Variants in PRKCI observed in about 807,000 individuals in gnomAD.
PRKCI encodes protein kinase C iota type.
In PRKCI, 43 loss-of-function variants were observed where a neutral mutation model predicts 84.0. The ratio of observed to expected loss-of-function variants is 0.51; its 90% CI spans 0.40 to 0.66. PRKCI has a LOEUF of 0.66. Ranked by LOEUF, PRKCI falls within the 30% of genes least tolerant of loss-of-function variation. PRKCI has a pLI of 0.00. For synonymous variants in PRKCI, 216 were observed against 234.4 expected (o/e 0.92, Z 0.72); for missense variants, 459 against 745.6 (o/e 0.62, Z 4.48).
intron 12 of PRKCI, 76 bp from the exon 13 acceptor site, chr3:170,291,778 A>G (rs1430988184): frequency 8.9e-7 from 1 of 1,117,524 alleles, no homozygotes; most frequent in South Asian, 1.3e-5. Context: ...AACTTATATG[A>G]TAGGTGAAAT....
intron 2 of PRKCI, among the ~76,000 whole-genome samples, chr3:170,250,314 AAAC>A (rs1433366030): frequency 6.6e-6 from 1 of 152,042 alleles, no homozygotes; most frequent in East Asian, 1.9e-4. Flanking sequence ...TAAAAAAAAA[AAAC>A]AACTTTGCTA....
At position 170,303,659 on chromosome 3, in the gene PRKCI, C is replaced by T. The variant is rs758616548; in HGVS notation, c.*532C>T. ...AATAAATTATTGATCTTTTTTAAGG[C>T]AGCAGTTATTAAATTGGTAATAGAA... On this transcript the variant is annotated 3_prime_UTR_variant, in exon 18 of 18. Transcript: ENST00000295797. 5 of 222,300 alleles carry T rather than the reference C, an allele frequency of 2.2e-5. No individual in the cohort carries two copies. The highest frequency in any genetic ancestry group is 4.5e-5 in the Non-Finnish European group (5 of 111,290). The allele number at this position is 222,300 out of a possible 1,614,324, so 13.8% of individuals were successfully genotyped here.
chr3:170,299,003 A>T lies in PRKCI; in HGVS notation c.1596A>T (p.Gln532His). Reference sequence around the variant, plus strand: ...CCAGTATGTCTTTTCAGATGGAGCAAAAACAGGTGGTACCTCCCTTTAAAC... The same window carrying T: ...CCAGTATGTCTTTTCAGATGGAGCATAAACAGGTGGTACCTCCCTTTAAAC... ...FRNVDWDMME[Q>H]KQVVPPFKPN... The change falls in exon 17 of 18, where the codon CAA becomes CAT. Residue 532 changes from glutamine (Q) to histidine (H), a missense_variant. Around this residue, in one of 2 missense-constraint regions of PRKCI, gnomAD observed 209 missense variants for 425.9 expected, o/e 0.49. Transcript: ENST00000295797. The T allele has an allele frequency of 6.2e-7, 1 of 1,611,310 alleles. No individual in the cohort carries two copies. The highest frequency in any genetic ancestry group is 8.5e-7 in the Non-Finnish European group (1 of 1,178,592).
chr3:170,236,938 C>G (rs1327097906), intron 2 of PRKCI, among the ~76,000 whole-genome samples: 1 of 149,970 alleles, frequency 6.7e-6, no homozygotes, highest in East Asian at 1.9e-4. Flanking sequence ...CATTTCCTAT[C>G]CTCAAACCCA....
At position 170,235,273 on chromosome 3, in the gene PRKCI, G is replaced by T; in HGVS notation, c.145G>T (p.Gly49Cys). Residue 49 changes from glycine to cysteine, a missense_variant, in exon 2 of 18, where the codon GGC (glycine) becomes TGC (cysteine). This residue lies in a region of PRKCI where 250 missense variants were observed against 319.7 expected (regional missense o/e 0.78). Coordinates refer to ENST00000295797, the MANE Select transcript of PRKCI (RefSeq NM_002740.6). ...TTTTGAACCTTCCATCTCCTTTGAG[G>T]GCCTTTGCAATGAGGTTCGAGACAT... ...THFEPSISFE[G>C]LCNEVRDMCS... The T allele has an allele frequency of 6.2e-7, 1 of 1,613,900 alleles. No individual in the cohort carries two copies.
At chr3:170,283,834 C>A (rs1041447590) in intron 11 of PRKCI, among the ~76,000 whole-genome samples, 1 of 152,192 alleles carries the variant, frequency 6.6e-6, no homozygotes, top group Non-Finnish European at 1.5e-5. Context: ...AGCAGCCATA[C>A]ATCAGCTCAG....
At chr3:170,235,102 C>T in intron 1 of PRKCI, 128 bp from the exon 2 acceptor site, 1 of 960,970 alleles carries the variant, frequency 1.0e-6, no homozygotes, top group South Asian at 1.7e-5. Context: ...AAATCATTTA[C>T]TGAAAGCAAT....
intron 4 of PRKCI, among the ~76,000 whole-genome samples, chr3:170,263,761 G>C (rs1252039211): frequency 6.6e-6 from 1 of 151,908 alleles, no homozygotes; most frequent in African/African-American, 2.4e-5. Context: ...CGCACTACTT[G>C]CACTCTAGTG....
chr3:170,274,415 TG>T, intron 7 of PRKCI, among the ~76,000 whole-genome samples: 1 of 152,348 alleles, frequency 6.6e-6, no homozygotes, highest in South Asian at 2.1e-4. Context: ...ATTACAGGCA[TG>T]AGCCATGGCA....
At chr3:170,297,421 T>G (rs746461095) in intron 16 of PRKCI, 28 bp downstream of exon 16, 1 of 1,546,148 alleles carries the variant, frequency 6.5e-7, no homozygotes, top group South Asian at 1.1e-5. Flanking sequence ...ACTCAACTAT[T>G]AGGTTTCATT....
intron 16 of PRKCI, 105 bp downstream of exon 16, chr3:170,297,498 A>T: frequency 1.1e-6 from 1 of 913,976 alleles, no homozygotes; most frequent in Non-Finnish European, 1.7e-6. Context: ...TCTGTCACCG[A>T]GGCTGGAGTA....
intron 15 of PRKCI, 94 bp downstream of exon 15, chr3:170,296,084 C>A: frequency 1.5e-6 from 1 of 660,900 alleles, no homozygotes; most frequent in Non-Finnish European, 2.4e-6. Flanking sequence ...AATTCCAAAA[C>A]AGTAGAGAAT....
chr3:170,298,915 A>C (rs1333970936), intron 16 of PRKCI, 80 bp from the exon 17 acceptor site: 1 of 852,894 alleles, frequency 1.2e-6, no homozygotes, highest in East Asian at 2.6e-5. Context: ...TAAGGTAAAC[A>C]ATGAGTGCAG....
chr3:170,297,620 T>A (rs1454484174), intron 16 of PRKCI, among the ~76,000 whole-genome samples: 1 of 151,584 alleles, frequency 6.6e-6, no homozygotes, highest in Admixed American at 6.6e-5. Context: ...CCCAGCTAAT[T>A]TTTGTATTTT....
At chr3:170,262,134 T>C (rs1039155431) in intron 3 of PRKCI, among the ~76,000 whole-genome samples, 7 of 152,214 alleles carry the variant, frequency 4.6e-5, no homozygotes, top group African/African-American at 1.7e-4. Flanking sequence ...CATAAATACA[T>C]TGTTGCTTTA....
At chr3:170,251,716 C>A (rs1236593417) in intron 2 of PRKCI, among the ~76,000 whole-genome samples, 1 of 151,406 alleles carries the variant, frequency 6.6e-6, no homozygotes, top group South Asian at 2.1e-4. Context: ...TCAAGACCAG[C>A]CAGGCCAACA....
At chr3:170,230,583 G>A (rs984013250) in intron 1 of PRKCI, among the ~76,000 whole-genome samples, 1 of 152,256 alleles carries the variant, frequency 6.6e-6, no homozygotes, top group African/African-American at 2.4e-5. Context: ...ACCCGCTGTG[G>A]CCTCCCGAAG....
intron 12 of PRKCI, among the ~76,000 whole-genome samples, chr3:170,286,872 C>T (rs1221600315): frequency 6.7e-6 from 1 of 150,312 alleles, no homozygotes; most frequent in Non-Finnish European, 1.5e-5. Flanking sequence ...GTCTCAAACC[C>T]AAGAGTTCAT....
At chr3:170,295,869 A>T in intron 14 of PRKCI, 42 bp from the exon 15 acceptor site, 1 of 1,191,188 alleles carries the variant, frequency 8.4e-7, no homozygotes, top group Non-Finnish European at 1.2e-6. Context: ...GATTAAAGCC[A>T]TGTAAAAGTT....
Sources: allele counts gnomAD v4.1 joint callset (sites outside exome capture counted in the v4.1 genomes callset), GRCh38; gene constraint gnomAD v4.1.1; regional missense constraint gnomAD v4.1.1; transcripts MANE v1.5; gene names NCBI Gene and HGNC (gene_info 2026-07-23, HGNC 2026-07-21).